The following FER variants were observed in gnomAD, a reference collection of about 807,000 sequenced individuals.
The protein encoded by FER is tyrosine-protein kinase Fer.
FER carries 63 observed loss-of-function variants against 111.0 expected under a neutral mutation model. That is an observed-to-expected ratio of 0.57 (90% CI 0.46 to 0.70). The LOEUF (loss-of-function observed/expected upper bound fraction) is 0.70, where lower values mean the gene tolerates loss of function less well. Among genes scored for constraint, FER ranks in the 30% least tolerant of loss-of-function variants. The pLI, the probability that FER is intolerant of heterozygous loss-of-function variation, is 0.00. For missense variants in FER, 914 were observed against 954.0 expected, an observed-to-expected ratio of 0.96 and a Z score of 0.55; for synonymous variants, 327 against 313.9, an observed-to-expected ratio of 1.04 and a Z score of -0.44.
chr5:108,827,716 G>A (rs945634362), intron 3 of FER, among the ~76,000 whole-genome samples: 2 of 151,130 alleles, frequency 1.3e-5, no homozygotes, highest in African/African-American at 4.9e-5. Context: ...TGTTTCATAC[G>A]TATTGCATAT....
chr5:109,132,127 G>T (rs745418326), intron 17 of FER, among the ~76,000 whole-genome samples: 1 of 152,010 alleles, frequency 6.6e-6, no homozygotes, highest in East Asian at 1.9e-4. Context: ...TTTGTTGTCG[G>T]CATTGGGATC....
At chr5:109,146,593 A>G (rs1162483254) in intron 17 of FER, among the ~76,000 whole-genome samples, 2 of 151,976 alleles carry the variant, frequency 1.3e-5, no homozygotes, top group Non-Finnish European at 2.9e-5. Flanking sequence ...TAAATTATGA[A>G]CATATATGAC....
chr5:108,986,250 CT>C (rs1762561646), intron 13 of FER, among the ~76,000 whole-genome samples: 1 of 149,366 alleles, frequency 6.7e-6, no homozygotes, highest in East Asian at 1.9e-4. Context: ...TGAGAATTGT[CT>C]ATTCATGTCG....
intron 16 of FER, among the ~76,000 whole-genome samples, chr5:109,094,938 C>T (rs146043004): frequency 6.6e-6 from 1 of 152,278 alleles, no homozygotes; most frequent in East Asian, 1.9e-4. Flanking sequence ...CATCTCTCCT[C>T]GCAGTTTGCA....
chr5:108,791,827 G>A (rs1203393522), intron 2 of FER, among the ~76,000 whole-genome samples: 1 of 152,100 alleles, frequency 6.6e-6, no homozygotes, highest in African/African-American at 2.4e-5. Flanking sequence ...TGATACTTAG[G>A]TATGTCATCC....
chr5:109,036,628 C>T (rs1190702211), intron 13 of FER, among the ~76,000 whole-genome samples: 1 of 152,036 alleles, frequency 6.6e-6, no homozygotes, highest in Non-Finnish European at 1.5e-5. Flanking sequence ...CTACTCCCCT[C>T]CTTTTTTTCT....
chr5:109,009,094 C>T (rs2149798453), intron 13 of FER, among the ~76,000 whole-genome samples: 1 of 129,206 alleles, frequency 7.7e-6, no homozygotes, highest in East Asian at 2.2e-4. Context: ...GTTGTCTAGG[C>T]TGGAATGCAC....
intron 10 of FER, among the ~76,000 whole-genome samples, chr5:108,900,896 C>T (rs1437677953): frequency 6.6e-6 from 1 of 152,118 alleles, no homozygotes; most frequent in East Asian, 1.9e-4. Flanking sequence ...AGTTAAAGCT[C>T]ATTGTTACAG....
At chr5:108,839,225 T>C (rs1170013540) in intron 5 of FER, among the ~76,000 whole-genome samples, 3 of 152,160 alleles carry the variant, frequency 2.0e-5, no homozygotes, top group African/African-American at 7.2e-5. Flanking sequence ...TCCTTCAGAA[T>C]AAGTAAGAAG....
At chr5:109,142,403 A>G (rs540309123) in intron 17 of FER, among the ~76,000 whole-genome samples, 5 of 152,174 alleles carry the variant, frequency 3.3e-5, no homozygotes, top group Non-Finnish European at 7.3e-5. Context: ...TGAGCCACTG[A>G]ACAGGTGTAG....
chr5:109,047,471 AAC>A (rs1772149432), intron 16 of FER, among the ~76,000 whole-genome samples: 2 of 152,244 alleles, frequency 1.3e-5, no homozygotes, highest in Admixed American at 1.3e-4. Context: ...TTATGTGCAA[AAC>A]ACTATTTAGA....
At chr5:109,020,778 A>C (rs1767816589) in intron 13 of FER, among the ~76,000 whole-genome samples, 1 of 152,050 alleles carries the variant, frequency 6.6e-6, no homozygotes, top group Non-Finnish European at 1.5e-5. Flanking sequence ...ATTGGTTTTC[A>C]GCCACCTTGC....
intron 2 of FER, among the ~76,000 whole-genome samples, chr5:108,784,800 C>T (rs1420679701): frequency 3.3e-5 from 5 of 152,198 alleles, no homozygotes; most frequent in Admixed American, 6.5e-5. Flanking sequence ...AGGCACAGAT[C>T]GCTCCTGCTA....
intron 16 of FER, among the ~76,000 whole-genome samples, chr5:109,057,403 G>A (rs559015874): frequency 9.9e-5 from 15 of 152,272 alleles, no homozygotes; most frequent in Non-Finnish European, 1.6e-4. Flanking sequence ...GAAAAAGACT[G>A]AAATTACTAA....
intron 13 of FER, among the ~76,000 whole-genome samples, chr5:108,997,871 T>G (rs1764202769): frequency 6.6e-6 from 1 of 152,130 alleles, no homozygotes; most frequent in Admixed American, 6.5e-5. Flanking sequence ...CACAGTGGCC[T>G]TGCTGAGCTG....
intron 17 of FER, among the ~76,000 whole-genome samples, chr5:109,153,727 T>C (rs923831320): frequency 1.3e-5 from 2 of 151,886 alleles, no homozygotes; most frequent in Non-Finnish European, 2.9e-5. Context: ...AGTTTACAGA[T>C]AAGGAAAATG....
intron 8 of FER, among the ~76,000 whole-genome samples, chr5:108,872,747 C>T (rs1327004801): frequency 1.3e-5 from 2 of 152,000 alleles, no homozygotes; most frequent in Non-Finnish European, 2.9e-5. Context: ...GTTTTTAGTT[C>T]TTTTCAAACA....
chr5:109,053,954 G>A (rs1343019843), intron 16 of FER, among the ~76,000 whole-genome samples: 1 of 152,016 alleles, frequency 6.6e-6, no homozygotes, highest in South Asian at 2.1e-4. Flanking sequence ...GCCTCCCAAA[G>A]TGCTAGGATT....
intron 2 of FER, among the ~76,000 whole-genome samples, chr5:108,773,120 C>T (rs1753104618): frequency 1.3e-5 from 2 of 152,036 alleles, no homozygotes; most frequent in Non-Finnish European, 2.9e-5. Flanking sequence ...AAATTTGGAA[C>T]GAGTGTAGCT....
Sources: allele counts gnomAD v4.1 joint callset (sites outside exome capture counted in the v4.1 genomes callset), GRCh38; gene constraint gnomAD v4.1.1; transcripts MANE v1.5; gene names NCBI Gene and HGNC (gene_info 2026-07-23, HGNC 2026-07-21).